The following TFEB variants were observed in gnomAD, a reference collection of about 807,000 sequenced individuals.
TFEB encodes transcription factor EB.
TFEB carries 12 observed loss-of-function variants against 48.0 expected under a neutral mutation model. The observed-to-expected ratio is 0.25, with a 90% CI of 0.16 to 0.40. The LOEUF is 0.40. Ranked by LOEUF, TFEB falls within the 10% of genes least tolerant of loss-of-function variation. The probability of loss-of-function intolerance (pLI) is 1.00; values close to 1 mark genes in which losing one functional copy is unlikely to be tolerated. For synonymous variants in TFEB, 244 were observed against 261.4 expected (o/e 0.93, Z 0.64); for missense variants, 509 against 640.3 (o/e 0.79, Z 2.21).
In TFEB at chr6:41,735,070, C is replaced by T. The variant is rs1372271679; in HGVS notation, c.-23+280G>A. The T allele has an allele frequency of 7.1e-6, 7 of 985,136 alleles. No individual in the cohort carries two copies. The African/African-American group carries it at 8.7e-5, about 12-fold the overall frequency. 61.0% of individuals were successfully genotyped at this position (985,136 alleles called of 1,614,324 possible). On this transcript the variant is annotated intron_variant, in intron 1 of 8. Coordinates refer to ENST00000373033, the MANE Select transcript of TFEB (RefSeq NM_001271944.2). Reference sequence around the variant, plus strand: ...CCATGCCCGCCCGGCCCCTCCCGCCCGGTTACATAAGGTCGCGGAGAAGCC... The same window carrying T: ...CCATGCCCGCCCGGCCCCTCCCGCCTGGTTACATAAGGTCGCGGAGAAGCC...
intron 1 of TFEB, among the ~76,000 whole-genome samples, chr6:41,714,744 G>A (rs1204231471): frequency 6.6e-6 from 1 of 152,110 alleles, no homozygotes; most frequent in Admixed American, 6.5e-5. Flanking sequence ...CTTGAGTGGC[G>A]GCCCGGCCCC....
At chr6:41,722,887 C>T (rs1255953853) in intron 1 of TFEB, among the ~76,000 whole-genome samples, 1 of 152,188 alleles carries the variant, frequency 6.6e-6, no homozygotes, top group Non-Finnish European at 1.5e-5. Context: ...AAGTCTTTTA[C>T]TCTTCAGAAC....
At chr6:41,686,508 C>CTTTTTTT (rs34883692) in intron 7 of TFEB, 10 of 150,766 alleles carry the variant, frequency 6.6e-5, no homozygotes, top group Admixed American at 1.5e-4. Flanking sequence ...GCCTACCTTT[C>CTTTTTTT]TTTTTTTTTT....
chr6:41,726,119 A>C (rs547637844), intron 1 of TFEB, among the ~76,000 whole-genome samples: 3 of 152,302 alleles, frequency 2.0e-5, no homozygotes, highest in Admixed American at 6.5e-5. Flanking sequence ...AAAATAAATA[A>C]ATAATAAAAA....
At chr6:41,701,855 G>A (rs1769941683) in intron 1 of TFEB, among the ~76,000 whole-genome samples, 2 of 151,390 alleles carry the variant, frequency 1.3e-5, no homozygotes, top group African/African-American at 4.9e-5. Context: ...TGAGGCAGGA[G>A]AATGGCTTGA....
At chr6:41,686,512 T>TTC (rs1769016166) in intron 7 of TFEB, 1 of 269,998 alleles carries the variant, frequency 3.7e-6, no homozygotes, top group Non-Finnish European at 7.0e-6. Context: ...ACCTTTCTTT[T>TTC]TTTTTTTTTT....
In TFEB at chr6:41,733,887, A is replaced by C. The variant is rs1771555430; in HGVS notation, c.-23+1463T>G. On this transcript the variant is annotated intron_variant, in intron 1 of 8. Transcript: ENST00000373033. ...AGAAGGAAACCAGAGACCAGCCTCC[A>C]ACCTCATCCCCAGCTGCCCAACAGT... 18 of 985,894 alleles carry C rather than the reference A, an allele frequency of 1.8e-5. No individual in the cohort carries two copies. In the South Asian group the frequency reaches 7.5e-4, roughly 41 times the overall value. The allele number at this position is 985,894 out of a possible 1,614,324, so 61.1% of individuals were successfully genotyped here.
chr6:41,693,847 T>C (rs1769433768), intron 1 of TFEB, among the ~76,000 whole-genome samples: 1 of 151,888 alleles, frequency 6.6e-6, no homozygotes. Context: ...CCCACCCCCT[T>C]CCTATGCTGC....
Position 41,735,594 on chromosome 6 carries a change from C to T in TFEB, c.-267G>A, listed in dbSNP as rs1013160199. ...AGCCCCGCGCCCGGCGCCCGGGCTC[C>T]GGCTGTCACTCCACGCACACTTCCC... On this transcript the variant is annotated 5_prime_UTR_variant, in exon 1 of 9. Coordinates refer to ENST00000373033, the MANE Select transcript of TFEB (RefSeq NM_001271944.2). 17 of 977,868 alleles carry T rather than the reference C, an allele frequency of 1.7e-5. No individual in the cohort carries two copies. The African/African-American group carries it at 2.8e-4, about 16-fold the overall frequency. The allele number at this position is 977,868 out of a possible 1,614,324, so 60.6% of individuals were successfully genotyped here.
intron 6 of TFEB, 126 bp from the exon 7 acceptor site, chr6:41,687,295 G>C (rs1322569285): frequency 1.2e-6 from 1 of 813,132 alleles, no homozygotes; most frequent in Non-Finnish European, 2.1e-6. Flanking sequence ...GTTCTTCCAG[G>C]AAGTAAGAGG....
At chr6:41,708,999 A>G (rs951286939) in intron 1 of TFEB, among the ~76,000 whole-genome samples, 8 of 151,874 alleles carry the variant, frequency 5.3e-5, no homozygotes, top group African/African-American at 1.7e-4. Context: ...TGGAGAAGAA[A>G]CCTCCATACC....
At chr6:41,718,128 T>C (rs1770814606) in intron 1 of TFEB, among the ~76,000 whole-genome samples, 1 of 152,198 alleles carries the variant, frequency 6.6e-6, no homozygotes, top group Non-Finnish European at 1.5e-5. Context: ...AATTAACATA[T>C]ACATCACCTC....
At chr6:41,729,370 G>A (rs1403236095) in intron 1 of TFEB, among the ~76,000 whole-genome samples, 4 of 152,158 alleles carry the variant, frequency 2.6e-5, no homozygotes, top group Non-Finnish European at 5.9e-5. Flanking sequence ...GCTTATTTCT[G>A]TGTGTGTCTG....
rs564783320 is a variant in TFEB, at chr6:41,684,275, G to T, written c.*324C>A. 5.6e-5 allele frequency: 16 copies of T among 283,800 alleles called. 1 individual carries two copies. In the South Asian group the frequency reaches 2.3e-3, roughly 41 times the overall value. The allele number at this position is 283,800 out of a possible 1,614,324, so 17.6% of individuals were successfully genotyped here. On this transcript the variant is annotated 3_prime_UTR_variant, in exon 9 of 9. Coordinates refer to ENST00000373033, the MANE Select transcript of TFEB (RefSeq NM_001271944.2). ...CCTTCACTGGTAATGAGGGGCTCGG[G>T]CTCAGAAGACAGGGAATCTCCACCA...
intron 1 of TFEB, among the ~76,000 whole-genome samples, chr6:41,719,085 G>A (rs1039937507): frequency 6.6e-6 from 1 of 152,186 alleles, no homozygotes; most frequent in Admixed American, 6.5e-5. Flanking sequence ...CCTCCTGTCA[G>A]ATCAGCAGTG....
Position 41,723,585 on chromosome 6 carries a change from G to A in TFEB, c.-23+11765C>T. ...TTTCCTCATTTCCCCGGCGGCTGCT[G>A]TTTCTCACCCAGCCCCCTGCACCTC... On this transcript the variant is annotated intron_variant, in intron 1 of 8. Transcript: ENST00000373033. This position sits in a 1 kb window ranked among gnomAD's most constrained non-coding sequence, Gnocchi z 6.0. 8.1e-7 allele frequency: 1 copy of A among 1,236,924 alleles called. No homozygotes were observed. Among genetic ancestry groups the A allele is most frequent in the South Asian group, 1.4e-5 (1 of 73,576 alleles). 76.6% of individuals were successfully genotyped at this position (1,236,924 alleles called of 1,614,324 possible).
chr6:41,687,828 G>A lies in TFEB; in HGVS notation c.671-19C>T. 1.9e-6 allele frequency: 3 copies of A among 1,613,062 alleles called. No homozygotes were observed. Among genetic ancestry groups the A allele is most frequent in the Non-Finnish European group, 2.5e-6 (3 of 1,179,352 alleles). On this transcript the variant is annotated intron_variant, in intron 5 of 8. Transcript: ENST00000373033. ...TCAGCATCTGGAGGCCAAAAGAGAAGGAGAGAGGAGCTGGGAGGGAGGGAG... is the reference window on the plus strand; with the variant it reads ...TCAGCATCTGGAGGCCAAAAGAGAAAGAGAGAGGAGCTGGGAGGGAGGGAG...
At chr6:41,685,978 A>G in intron 8 of TFEB, 112 bp downstream of exon 8, 1 of 1,367,100 alleles carries the variant, frequency 7.3e-7, no homozygotes, top group Non-Finnish European at 1.0e-6. Flanking sequence ...CCTCCTTCCT[A>G]ATGGGCATTA....
At chr6:41,686,523 T>G (rs1769017342) in intron 7 of TFEB, 1 of 334,674 alleles carries the variant, frequency 3.0e-6, no homozygotes, top group Non-Finnish European at 5.5e-6. Context: ...TTTTTTTTTT[T>G]TTTTTGAGAT....
Sources: allele counts gnomAD v4.1 joint callset (sites outside exome capture counted in the v4.1 genomes callset), GRCh38; gene constraint gnomAD v4.1.1; non-coding constraint Gnocchi (gnomAD v3.1); transcripts MANE v1.5; gene names NCBI Gene and HGNC (gene_info 2026-07-23, HGNC 2026-07-21).